Variants in CDH12 observed in about 807,000 individuals in gnomAD.
The protein encoded by CDH12 is cadherin-12.
CDH12 carries 41 observed loss-of-function variants against 74.1 expected under a neutral mutation model. That is an observed-to-expected ratio of 0.55 (90% CI 0.43 to 0.72). The LOEUF (loss-of-function observed/expected upper bound fraction) is 0.72. Ranked by LOEUF, CDH12 falls within the 30% of genes least tolerant of loss-of-function variation. The probability of loss-of-function intolerance (pLI) is 0.00; values close to 1 mark genes in which losing one functional copy is unlikely to be tolerated. For synonymous variants in CDH12, 399 were observed against 355.0 expected (o/e 1.12, Z -1.39); for missense variants, 945 against 977.2 (o/e 0.97, Z 0.44).
At chr5:21,756,965 C>A (rs1744432581) in intron 13 of CDH12, among the ~76,000 whole-genome samples, 1 of 152,024 alleles carries the variant, frequency 6.6e-6, no homozygotes, top group Non-Finnish European at 1.5e-5. Context: ...TTAATTGAAT[C>A]AACATTTAAA....
intron 3 of CDH12, among the ~76,000 whole-genome samples, chr5:22,340,929 C>A (rs377288507): frequency 6.6e-6 from 1 of 152,156 alleles, no homozygotes; most frequent in Non-Finnish European, 1.5e-5. Flanking sequence ...TTAGTAGTCA[C>A]ATCTTTGGCA....
At chr5:22,206,213 C>G (rs983656441) in intron 4 of CDH12, among the ~76,000 whole-genome samples, 1 of 152,082 alleles carries the variant, frequency 6.6e-6, no homozygotes, top group African/African-American at 2.4e-5. Flanking sequence ...AGCAGCATTT[C>G]TCATCACCAG....
At chr5:22,630,697 T>C (rs1269707620) in intron 1 of CDH12, among the ~76,000 whole-genome samples, 1 of 152,154 alleles carries the variant, frequency 6.6e-6, no homozygotes, top group Non-Finnish European at 1.5e-5. Context: ...GAAGATATTC[T>C]AGGAAATGCC....
intron 1 of CDH12, among the ~76,000 whole-genome samples, chr5:22,576,354 T>C (rs1463075148): frequency 2.0e-5 from 3 of 152,108 alleles, no homozygotes; most frequent in Non-Finnish European, 4.4e-5. Flanking sequence ...GAAAAGACCA[T>C]GGAAGGTGAA....
intron 5 of CDH12, among the ~76,000 whole-genome samples, chr5:21,986,286 T>C (rs1471361153): frequency 1.3e-5 from 2 of 152,230 alleles, no homozygotes; most frequent in Middle Eastern, 3.4e-3. Flanking sequence ...AGAAAAAAAA[T>C]ATGTTATTCC....
intron 2 of CDH12, among the ~76,000 whole-genome samples, chr5:22,407,056 T>C (rs1007748292): frequency 4.6e-5 from 7 of 152,128 alleles, no homozygotes; most frequent in Non-Finnish European, 8.8e-5. Context: ...TTCAATTCTG[T>C]TCTTTTTTTA....
chr5:21,754,399 A>C (rs187390130), intron 14 of CDH12, among the ~76,000 whole-genome samples: 310 of 152,310 alleles, frequency 2.0e-3, no homozygotes, highest in Non-Finnish European at 3.4e-3. Context: ...ATCTTGTTAA[A>C]TTTCAGATGT....
intron 1 of CDH12, among the ~76,000 whole-genome samples, chr5:22,608,540 A>C (rs1277576177): frequency 5.9e-5 from 9 of 152,154 alleles, no homozygotes; most frequent in Non-Finnish European, 1.3e-4. Flanking sequence ...TTAAGACTTT[A>C]GGGGACTGTT....
chr5:21,982,843 A>G (rs1757368408), intron 5 of CDH12, among the ~76,000 whole-genome samples: 1 of 152,000 alleles, frequency 6.6e-6, no homozygotes, highest in Middle Eastern at 3.2e-3. Flanking sequence ...TTCCTATGTA[A>G]TTGCTGTAGT....
chr5:22,497,638 C>CTTTTTTTTTTTTTTT (rs747466944), intron 2 of CDH12, among the ~76,000 whole-genome samples: 2 of 83,250 alleles, frequency 2.4e-5, no homozygotes, highest in Admixed American at 2.0e-4. Flanking sequence ...TGTCGAATCT[C>CTTTTTTTTTTTTTTT]TTTTTTTTTT....
At chr5:21,880,287 A>C (rs1427403049) in intron 6 of CDH12, among the ~76,000 whole-genome samples, 3 of 152,172 alleles carry the variant, frequency 2.0e-5, no homozygotes, top group South Asian at 2.1e-4. Context: ...CAGTGTTGCT[A>C]TCAGTGTTAT....
At chr5:22,483,551 C>T (rs1746464344) in intron 2 of CDH12, among the ~76,000 whole-genome samples, 1 of 150,012 alleles carries the variant, frequency 6.7e-6, no homozygotes, top group African/African-American at 2.5e-5. Flanking sequence ...GATGGAAGAC[C>T]CTATGACAAG....
At chr5:22,789,523 A>G (rs1466765235) in intron 1 of CDH12, among the ~76,000 whole-genome samples, 1 of 152,068 alleles carries the variant, frequency 6.6e-6, no homozygotes, top group Admixed American at 6.5e-5. Context: ...AAAGAGATAA[A>G]TTTATAGTTA....
chr5:21,952,168 A>T (rs1485673135), intron 6 of CDH12, among the ~76,000 whole-genome samples: 2 of 152,174 alleles, frequency 1.3e-5, no homozygotes, highest in African/African-American at 4.8e-5. Context: ...ATCATCATTT[A>T]AGTGTCTGTT....
chr5:22,097,262 G>A (rs1363816391), intron 4 of CDH12, among the ~76,000 whole-genome samples: 3 of 152,010 alleles, frequency 2.0e-5, no homozygotes, highest in African/African-American at 7.3e-5. Flanking sequence ...TGGAACTCTG[G>A]CCCAAGGCTC....
intron 5 of CDH12, among the ~76,000 whole-genome samples, chr5:22,006,670 GT>G (rs1243402097): frequency 6.6e-6 from 1 of 152,076 alleles, no homozygotes; most frequent in Non-Finnish European, 1.5e-5. Flanking sequence ...TCAGATATTG[GT>G]TTGAGTCCAT....
intron 7 of CDH12, among the ~76,000 whole-genome samples, chr5:21,842,822 A>G (rs1749947670): frequency 6.6e-6 from 1 of 152,114 alleles, no homozygotes; most frequent in Non-Finnish European, 1.5e-5. Context: ...TCTTCATTAC[A>G]TATTTTATTT....
At chr5:22,119,268 A>G (rs1745359777) in intron 4 of CDH12, among the ~76,000 whole-genome samples, 1 of 144,676 alleles carries the variant, frequency 6.9e-6, no homozygotes, top group South Asian at 2.2e-4. Context: ...ATTGGACACT[A>G]CTCAATCTTC....
chr5:21,766,192 T>C (rs1052657334), intron 11 of CDH12, among the ~76,000 whole-genome samples: 1 of 151,974 alleles, frequency 6.6e-6, no homozygotes, highest in African/African-American at 2.4e-5. Flanking sequence ...TCTTGCTTAG[T>C]TAAAATTCAT....
Sources: gnomAD v4.1 joint callset for allele counts (sites outside exome capture counted in the v4.1 genomes callset) on GRCh38, gnomAD v4.1.1 for gene constraint, MANE v1.5 for transcripts, NCBI Gene and HGNC (gene_info 2026-07-23, HGNC 2026-07-21) for gene names.